Variants in RSRC1 observed in about 807,000 individuals in gnomAD.
RSRC1 encodes arginine and serine rich coiled-coil 1.
A neutral mutation model predicts 49.1 loss-of-function variants in RSRC1; 39 were observed. The observed-to-expected ratio is 0.79, with a 90% confidence interval of 0.61 to 1.04. The LOEUF (loss-of-function observed/expected upper bound fraction) is 1.04. RSRC1 is among the 50% of genes least tolerant of loss of function. The pLI is 0.00. For synonymous variants in RSRC1, 143 were observed against 130.8 expected (o/e 1.09, Z -0.63); for missense variants, 388 against 402.4 (o/e 0.96, Z 0.31).
chr3:158,424,529 T>C (rs1393054551), intron 6 of RSRC1, among the ~76,000 whole-genome samples: 3 of 150,428 alleles, frequency 2.0e-5, no homozygotes, highest in Non-Finnish European at 4.4e-5. Flanking sequence ...AGGATATTGG[T>C]CTAAAATTCT....
At chr3:158,301,490 A>G (rs1358121571) in intron 5 of RSRC1, among the ~76,000 whole-genome samples, 9 of 152,094 alleles carry the variant, frequency 5.9e-5, no homozygotes, top group Non-Finnish European at 1.3e-4. Context: ...TGATGCTCAG[A>G]TTGTCCCAGA....
chr3:158,250,595 T>C (rs1452662416), intron 4 of RSRC1, among the ~76,000 whole-genome samples: 4 of 152,258 alleles, frequency 2.6e-5, no homozygotes, highest in Non-Finnish European at 4.4e-5. Context: ...CAAATACCTG[T>C]TTGTCACTTG....
At chr3:158,306,580 C>A (rs1727852603) in intron 5 of RSRC1, among the ~76,000 whole-genome samples, 1 of 151,732 alleles carries the variant, frequency 6.6e-6, no homozygotes, top group African/African-American at 2.4e-5. Flanking sequence ...TTATTATAAT[C>A]AATACAGGAA....
At chr3:158,282,445 G>A (rs74770622) in intron 4 of RSRC1, among the ~76,000 whole-genome samples, 2,841 of 152,238 alleles carry the variant, frequency 0.019, 45 homozygotes, top group Admixed American at 0.022. Context: ...TCTCACAGTG[G>A]CTTTGTTTTT....
chr3:158,215,028 C>T (rs1023369584), intron 4 of RSRC1, among the ~76,000 whole-genome samples: 3 of 103,752 alleles, frequency 2.9e-5, no homozygotes, highest in African/African-American at 6.8e-5. Context: ...TATTTTGTTA[C>T]GTCAGATTTT....
chr3:158,152,080 ATG>A (rs535903276), intron 3 of RSRC1, among the ~76,000 whole-genome samples: 7 of 87,810 alleles, frequency 8.0e-5, no homozygotes, highest in Admixed American at 7.7e-4. Context: ...TATGGGCAAA[ATG>A]TTTTTTTTTT....
chr3:158,485,812 T>C (rs1738795072), intron 7 of RSRC1, among the ~76,000 whole-genome samples: 2 of 152,174 alleles, frequency 1.3e-5, no homozygotes, highest in South Asian at 4.1e-4. Context: ...ACTTCCAGTT[T>C]TCGTTTAGAC....
intron 4 of RSRC1, among the ~76,000 whole-genome samples, chr3:158,222,416 C>CA (rs2108299092): frequency 6.6e-6 from 1 of 151,554 alleles, no homozygotes; most frequent in African/African-American, 2.4e-5. Flanking sequence ...GTTTTTACCA[C>CA]AAAAATAAGT....
intron 7 of RSRC1, among the ~76,000 whole-genome samples, chr3:158,470,503 G>A (rs911958144): frequency 6.6e-6 from 1 of 151,944 alleles, no homozygotes; most frequent in Non-Finnish European, 1.5e-5. Flanking sequence ...ATGATGGTGG[G>A]GGGTGGGAAT....
chr3:158,227,431 T>C (rs1412018995), intron 4 of RSRC1, among the ~76,000 whole-genome samples: 1 of 151,930 alleles, frequency 6.6e-6, no homozygotes, highest in African/African-American at 2.4e-5. Context: ...TTCCCTCCCT[T>C]CATCTCTCTT....
chr3:158,476,930 A>G (rs1560059155), intron 7 of RSRC1, among the ~76,000 whole-genome samples: 1 of 152,170 alleles, frequency 6.6e-6, no homozygotes, highest in African/African-American at 2.4e-5. Flanking sequence ...ATAGGAGATC[A>G]GAATAGCAAT....
intron 6 of RSRC1, among the ~76,000 whole-genome samples, chr3:158,378,242 A>G (rs1296946738): frequency 6.6e-6 from 1 of 152,114 alleles, no homozygotes; most frequent in East Asian, 1.9e-4. Flanking sequence ...CTCATTGAGC[A>G]TAGTTATAAT....
At chr3:158,501,729 T>C (rs938788450) in intron 7 of RSRC1, among the ~76,000 whole-genome samples, 1 of 152,138 alleles carries the variant, frequency 6.6e-6, no homozygotes, top group Non-Finnish European at 1.5e-5. Flanking sequence ...TTACTTTAAA[T>C]TTGTGTGAGT....
At position 158,228,852 on chromosome 3, in the gene RSRC1, CAT is replaced by C. The variant is rs1170146064; in HGVS notation, c.494+25609_494+25610del. Among the ~76,000 whole-genome samples, 5 of 145,046 alleles carry C rather than the reference CAT, an allele frequency of 3.4e-5. No individual in the cohort carries two copies. In the South Asian group the frequency reaches 1.1e-3, roughly 32 times the overall value. On this transcript the variant is annotated intron_variant, in intron 4 of 9. Transcript: ENST00000611884. ...GTGTGTATATATGTATATAAACACA[CAT>C]ACGTGTATATATGTATATAAACACA...
At chr3:158,327,040 A>T (rs75622246) in intron 5 of RSRC1, among the ~76,000 whole-genome samples, 11,627 of 152,146 alleles carry the variant, frequency 0.076, 532 homozygotes, top group South Asian at 0.13. Context: ...GTATTCTCTG[A>T]TGGTAGTTTG....
intron 7 of RSRC1, among the ~76,000 whole-genome samples, chr3:158,517,153 A>AT (rs1441629288): frequency 6.6e-6 from 1 of 150,906 alleles, no homozygotes; most frequent in African/African-American, 2.5e-5. Context: ...TAGTTGCCTT[A>AT]TATTTTTTGC....
intron 5 of RSRC1, among the ~76,000 whole-genome samples, chr3:158,325,290 T>G (rs1173913170): frequency 1.3e-5 from 2 of 152,240 alleles, no homozygotes; most frequent in Non-Finnish European, 2.9e-5. Context: ...GTTTCAGACA[T>G]GAAGTACTTG....
intron 4 of RSRC1, among the ~76,000 whole-genome samples, chr3:158,265,701 C>T (rs1725134197): frequency 6.6e-6 from 1 of 151,964 alleles, no homozygotes; most frequent in Admixed American, 6.6e-5. Context: ...TTTTTTTCCG[C>T]CACTTGTAAG....
intron 7 of RSRC1, among the ~76,000 whole-genome samples, chr3:158,534,488 G>C (rs1192183405): frequency 6.6e-6 from 1 of 151,520 alleles, no homozygotes; most frequent in African/African-American, 2.4e-5. Flanking sequence ...CCTTAGCTGA[G>C]TATACAATCA....
Sources: gnomAD v4.1 joint callset for allele counts (sites outside exome capture counted in the v4.1 genomes callset) on GRCh38, gnomAD v4.1.1 for gene constraint, MANE v1.5 for transcripts, NCBI Gene and HGNC (gene_info 2026-07-23, HGNC 2026-07-21) for gene names.